The following FSTL4 variants were observed in gnomAD, a reference collection of about 807,000 sequenced individuals.
FSTL4 encodes the protein follistatin-related protein 4.
Under a neutral mutation model 78.2 loss-of-function variants are expected in FSTL4, and 28 were observed. That is an observed-to-expected ratio of 0.36 (90% CI 0.27 to 0.49). FSTL4 has a LOEUF of 0.49. FSTL4 is among the 20% of genes least tolerant of loss of function. FSTL4 has a pLI of 0.98. For missense variants in FSTL4, 922 were observed against 1,084.9 expected (o/e 0.85, Z 2.11); for synonymous variants, 422 against 440.5 (o/e 0.96, Z 0.53).
At chr5:133,492,721 A>T (rs1758290805) in intron 3 of FSTL4, among the ~76,000 whole-genome samples, 1 of 152,150 alleles carries the variant, frequency 6.6e-6, no homozygotes, top group South Asian at 2.1e-4. Flanking sequence ...TCTTTAAAAA[A>T]ATTTTGGAAA....
the FSTL4 span, among the ~76,000 whole-genome samples, chr5:133,810,194 C>G: frequency 3.3e-5 from 5 of 152,204 alleles, no homozygotes; most frequent in African/African-American, 1.2e-4. Flanking sequence ...GGATCTGACT[C>G]CTGGAGCCAC....
intron 3 of FSTL4, among the ~76,000 whole-genome samples, chr5:133,513,624 C>G (rs534123380): frequency 6.6e-6 from 1 of 152,176 alleles, no homozygotes; most frequent in Admixed American, 6.5e-5. Flanking sequence ...TCCACATGGA[C>G]AGACGGCAAG....
intron 12 of FSTL4, among the ~76,000 whole-genome samples, chr5:133,219,678 T>C (rs1259562902): frequency 3.3e-5 from 5 of 152,228 alleles, no homozygotes; most frequent in Admixed American, 2.0e-4. Flanking sequence ...CACAGTCTTA[T>C]ATTGCCTGAA....
At chr5:133,443,069 G>A (rs1757193187) in intron 3 of FSTL4, among the ~76,000 whole-genome samples, 1 of 152,162 alleles carries the variant, frequency 6.6e-6, no homozygotes, top group Admixed American at 6.5e-5. Context: ...TGTTCCATAT[G>A]GACCACCTTT....
intron 3 of FSTL4, among the ~76,000 whole-genome samples, chr5:133,522,197 C>T (rs556598012): frequency 3.5e-4 from 54 of 152,160 alleles, no homozygotes; most frequent in Non-Finnish European, 6.3e-4. Context: ...ACAGGACCAC[C>T]GATAGTGCAA....
the FSTL4 span, among the ~76,000 whole-genome samples, chr5:133,700,916 C>T: frequency 3.9e-5 from 6 of 152,314 alleles, no homozygotes; most frequent in South Asian, 1.2e-3. Flanking sequence ...CAGATAATGT[C>T]GAATGACAAA....
the FSTL4 span, among the ~76,000 whole-genome samples, chr5:133,698,602 A>G: frequency 6.6e-6 from 1 of 152,294 alleles, no homozygotes; most frequent in African/African-American, 2.4e-5. Context: ...CATTACATGC[A>G]ATAATGCATG....
the FSTL4 span, among the ~76,000 whole-genome samples, chr5:133,806,405 T>G: frequency 6.6e-6 from 1 of 152,206 alleles, no homozygotes; most frequent in South Asian, 2.1e-4. Context: ...CATTCATTCT[T>G]TTATCACCTT....
At chr5:133,281,804 T>G (rs1007364538) in intron 6 of FSTL4, among the ~76,000 whole-genome samples, 1 of 151,996 alleles carries the variant, frequency 6.6e-6, no homozygotes, top group Non-Finnish European at 1.5e-5. Context: ...TTCCAGGGCA[T>G]GGGTTGGGTC....
At chr5:133,751,690 TG>T in the FSTL4 span, among the ~76,000 whole-genome samples, 14 of 152,106 alleles carry the variant, frequency 9.2e-5, no homozygotes, top group Non-Finnish European at 1.8e-4. Flanking sequence ...AAAAACAAAC[TG>T]GAATTATTGA....
At chr5:133,621,935 T>G in the FSTL4 span, among the ~76,000 whole-genome samples, 1 of 152,144 alleles carries the variant, frequency 6.6e-6, no homozygotes, top group African/African-American at 2.4e-5. Context: ...TGAAAAACCA[T>G]AGTACAATAT....
chr5:133,815,122 G>A, the FSTL4 span, among the ~76,000 whole-genome samples: 2 of 152,162 alleles, frequency 1.3e-5, no homozygotes, highest in Non-Finnish European at 2.9e-5. Context: ...GGCCTAAAAG[G>A]ACAGAGATAT....
chr5:133,513,221 C>T (rs2112889798), intron 3 of FSTL4, among the ~76,000 whole-genome samples: 1 of 152,302 alleles, frequency 6.6e-6, no homozygotes, highest in South Asian at 2.1e-4. Flanking sequence ...CGCCTAACTC[C>T]AAACTATAAG....
At chr5:133,765,039 C>T in the FSTL4 span, among the ~76,000 whole-genome samples, 2 of 152,360 alleles carry the variant, frequency 1.3e-5, no homozygotes, top group South Asian at 2.1e-4. Flanking sequence ...AAAAGTTATA[C>T]CTGAATCAAA....
intron 6 of FSTL4, among the ~76,000 whole-genome samples, chr5:133,287,265 G>A (rs926402772): frequency 3.3e-5 from 5 of 151,956 alleles, no homozygotes; most frequent in Non-Finnish European, 7.4e-5. Context: ...GCGGGCGCCT[G>A]TAGTCCCAGC....
At position 133,197,674 on chromosome 5, in the gene FSTL4, A is replaced by G. The variant is rs930046916; in HGVS notation, c.*1421T>C. ...TAGGTGAAGGTGGCCAAATTAGCAA[A>G]GACGTCTGTGGTGAGACCACCTCTC... On this transcript the variant is annotated 3_prime_UTR_variant, in exon 16 of 16. Transcript: ENST00000265342. 6.6e-6 allele frequency: 1 copy of G among 152,270 alleles called. No homozygotes were observed. The highest frequency in any genetic ancestry group is 2.4e-5 in the African/African-American group (1 of 41,458). 9.4% of individuals were successfully genotyped at this position (152,270 alleles called of 1,614,324 possible). A position where few individuals can be genotyped will look rare whatever the true frequency, so the allele number is the denominator to read the frequency against.
Position 133,198,796 on chromosome 5 carries a change from T to C in FSTL4, c.*299A>G, listed in dbSNP as rs1302640602. On this transcript the variant is annotated 3_prime_UTR_variant, in exon 16 of 16. Coordinates refer to ENST00000265342, the MANE Select transcript of FSTL4 (RefSeq NM_015082.2). ...TGTCTGCTTGGAGAGCAGGATCCCT[T>C]GGTTCCATGATGTCCCCAGGTCACT... 3.9e-6 allele frequency: 1 copy of C among 257,096 alleles called. No homozygotes were observed. Among genetic ancestry groups the C allele is most frequent in the African/African-American group, 2.2e-5 (1 of 45,358 alleles). The allele number at this position is 257,096 out of a possible 1,614,324, so 15.9% of individuals were successfully genotyped here.
intron 2 of FSTL4, among the ~76,000 whole-genome samples, chr5:133,593,245 C>T (rs533777223): frequency 6.6e-6 from 1 of 152,232 alleles, no homozygotes; most frequent in Non-Finnish European, 1.5e-5. Context: ...TTGTCCACCA[C>T]TAATAATGAG....
At chr5:133,712,619 AAC>A in the FSTL4 span, among the ~76,000 whole-genome samples, 1 of 152,250 alleles carries the variant, frequency 6.6e-6, no homozygotes, top group Non-Finnish European at 1.5e-5. Context: ...CACTTTGAGA[AAC>A]ACAAAAGGCC....
Sources: gnomAD v4.1 joint callset for allele counts (sites outside exome capture counted in the v4.1 genomes callset) on GRCh38, gnomAD v4.1.1 for gene constraint, MANE v1.5 for transcripts, NCBI Gene and HGNC (gene_info 2026-07-23, HGNC 2026-07-21) for gene names.